SMOC1: variants seen among roughly 807,000 people sequenced by gnomAD.
SMOC1 encodes the protein SPARC related modular calcium binding 1, also known as SPARC-related modular calcium-binding protein 1.
SMOC1 carries 22 observed loss-of-function variants against 56.3 expected under a neutral mutation model. That is an observed-to-expected ratio of 0.39 (90% CI 0.28 to 0.56). The LOEUF (loss-of-function observed/expected upper bound fraction) is 0.56. Among genes scored for constraint, SMOC1 ranks in the 20% least tolerant of loss-of-function variants. SMOC1 has a pLI of 0.61. For synonymous variants in SMOC1, 193 were observed against 215.0 expected, an observed-to-expected ratio of 0.90 and a Z score of 0.89; for missense variants, 509 against 565.4, an observed-to-expected ratio of 0.90 and a Z score of 1.01.
chr14:69,908,787 C>T (rs1884479036), intron 1 of SMOC1, among the ~76,000 whole-genome samples: 1 of 152,114 alleles, frequency 6.6e-6, no homozygotes, highest in African/African-American at 2.4e-5. Flanking sequence ...ACAATTAGGA[C>T]TTGGGGCAGG....
intron 5 of SMOC1, 32 bp downstream of exon 5, chr14:69,977,997 T>G (rs1390864790): frequency 1.3e-6 from 2 of 1,597,628 alleles, no homozygotes; most frequent in East Asian, 4.5e-5. Context: ...ATCTAAATGT[T>G]TGCTTCCAAA....
rs1262576547 is a variant in SMOC1, at chr14:69,992,465, A to T, written c.575A>T (p.Asp192Val). Residue 192 changes from aspartate to valine, a missense_variant, in exon 6 of 12, where the codon GAT (aspartate) becomes GTT (valine). Around this residue, in one of 3 missense-constraint regions of SMOC1, gnomAD observed 315 missense variants for 333.1 expected, o/e 0.95. Coordinates refer to ENST00000361956, the MANE Select transcript of SMOC1 (RefSeq NM_001034852.3). ...TPTMETQPVF[D>V]GDEITAPTLW... ...ACGATGGAGACCCAGCCGGTGTTCG[A>T]TGGAGATGGTAAGATCTTGCATTAC... The T allele has an allele frequency of 6.2e-7, 1 of 1,613,358 alleles. No homozygotes were observed. The highest frequency in any genetic ancestry group is 8.5e-7 in the Non-Finnish European group (1 of 1,179,282).
At position 70,031,388 on chromosome 14, in the gene SMOC1, T is replaced by C. The variant is rs1277713286; in HGVS notation, c.*1130T>C. 1 of 118,140 alleles carries C rather than the reference T, an allele frequency of 8.5e-6. No homozygotes were observed. The highest frequency in any genetic ancestry group is 3.4e-5 in the African/African-American group (1 of 29,468). The allele number at this position is 118,140 out of a possible 1,614,324, so 7.3% of individuals were successfully genotyped here. A position where few individuals can be genotyped will look rare whatever the true frequency, so the allele number is the denominator to read the frequency against. On this transcript the variant is annotated 3_prime_UTR_variant, in exon 12 of 12. Coordinates refer to ENST00000361956, the MANE Select transcript of SMOC1 (RefSeq NM_001034852.3). ...TCCACTCCTCCATCTCCTGCTGTTGTCCTAGTGGCTATCACAGGCCTGGGT... is the reference window on the plus strand; with the variant it reads ...TCCACTCCTCCATCTCCTGCTGTTGCCCTAGTGGCTATCACAGGCCTGGGT...
At chr14:69,999,826 G>C (rs895051726) in intron 7 of SMOC1, among the ~76,000 whole-genome samples, 11 of 152,106 alleles carry the variant, frequency 7.2e-5, no homozygotes, top group African/African-American at 2.7e-4. Flanking sequence ...AGCTTTCCTG[G>C]TCGCCTTGCT....
At chr14:70,007,522 A>T (rs1035923484) in intron 7 of SMOC1, among the ~76,000 whole-genome samples, 1 of 152,220 alleles carries the variant, frequency 6.6e-6, no homozygotes. Flanking sequence ...TTTGATTTTG[A>T]ATGCAGCAGA....
chr14:69,989,844 C>G (rs1884498707), intron 5 of SMOC1, among the ~76,000 whole-genome samples: 1 of 152,192 alleles, frequency 6.6e-6, no homozygotes, highest in South Asian at 2.1e-4. Context: ...AAGAGGTGCT[C>G]TTATTTGCTG....
intron 7 of SMOC1, among the ~76,000 whole-genome samples, chr14:69,997,238 G>A (rs1351340739): frequency 6.6e-6 from 1 of 152,174 alleles, no homozygotes; most frequent in African/African-American, 2.4e-5. Context: ...CAGGAGCTCT[G>A]AGGCAGCTCA....
At chr14:69,982,190 C>G (rs172900) in intron 5 of SMOC1, among the ~76,000 whole-genome samples, 2 of 151,912 alleles carry the variant, frequency 1.3e-5, no homozygotes, top group Non-Finnish European at 2.9e-5. Flanking sequence ...TTAAGGAAAG[C>G]AAGAGAAAAA....
chr14:69,959,122 G>A (rs1290077443), intron 3 of SMOC1, among the ~76,000 whole-genome samples: 1 of 152,138 alleles, frequency 6.6e-6, no homozygotes, highest in Non-Finnish European at 1.5e-5. Context: ...TTTAGGACAA[G>A]AATGGTGTAA....
At chr14:69,986,221 G>A (rs1401316664) in intron 5 of SMOC1, among the ~76,000 whole-genome samples, 5 of 152,192 alleles carry the variant, frequency 3.3e-5, no homozygotes, top group Admixed American at 6.5e-5. Context: ...TAGAGATGGA[G>A]AACAGATTAG....
intron 4 of SMOC1, 58 bp from the exon 5 acceptor site, chr14:69,977,860 A>G (rs1884024586): frequency 1.3e-6 from 2 of 1,497,442 alleles, no homozygotes; most frequent in Non-Finnish European, 1.9e-6. Context: ...ACTCTTAGAA[A>G]GAAACCAACC....
intron 1 of SMOC1, among the ~76,000 whole-genome samples, chr14:69,908,626 C>T (rs1293549662): frequency 6.6e-6 from 1 of 152,188 alleles, no homozygotes; most frequent in Non-Finnish European, 1.5e-5. Context: ...GCCTCAGCAT[C>T]CTCTTTGCTT....
chr14:69,931,134 G>A lies in SMOC1; in HGVS notation c.100-21004G>A, dbSNP rs137996346. Among the ~76,000 whole-genome samples, 408 of 152,288 alleles carry A rather than the reference G, an allele frequency of 2.7e-3. 2 individuals carry two copies. Among genetic ancestry groups the A allele is most frequent in the African/African-American group, 9.2e-3 (381 of 41,568 alleles). On this transcript the variant is annotated intron_variant, in intron 1 of 11. Transcript: ENST00000361956. The stretch of plus-strand genomic sequence containing the variant: ...TTTCTGGGCCACAGAACTGAGGCTC[G>A]GCTGTCTTGAGGGAGCCATCCCACC...
chr14:69,982,056 C>T (rs1884199782), intron 5 of SMOC1, among the ~76,000 whole-genome samples: 1 of 152,168 alleles, frequency 6.6e-6, no homozygotes. Flanking sequence ...CTTTTGACTT[C>T]TGAGTGCCCA....
At chr14:70,001,522 T>A (rs1048711400) in intron 7 of SMOC1, among the ~76,000 whole-genome samples, 2 of 152,084 alleles carry the variant, frequency 1.3e-5, no homozygotes, top group African/African-American at 4.8e-5. Context: ...ATGTGCATAT[T>A]TTTTTTAGTT....
At chr14:69,911,437 T>G (rs1323857773) in intron 1 of SMOC1, among the ~76,000 whole-genome samples, 1 of 152,264 alleles carries the variant, frequency 6.6e-6, no homozygotes, top group Non-Finnish European at 1.5e-5. Context: ...CATACAGTTG[T>G]GTAACCACCA....
At chr14:70,024,472 G>A (rs76169032) in intron 11 of SMOC1, among the ~76,000 whole-genome samples, 15,902 of 152,070 alleles carry the variant, frequency 0.1, 1,133 homozygotes, top group Non-Finnish European at 0.15. Context: ...AAGAGGGACC[G>A]TATATGGCCC....
chr14:69,919,195 C>T (rs1423945528), intron 1 of SMOC1, among the ~76,000 whole-genome samples: 34 of 152,136 alleles, frequency 2.2e-4, no homozygotes. Context: ...ATAGCCAGGT[C>T]AAGCCCATAA....
At chr14:70,026,311 C>A (rs1027796632) in intron 11 of SMOC1, among the ~76,000 whole-genome samples, 4 of 152,186 alleles carry the variant, frequency 2.6e-5, no homozygotes, top group South Asian at 2.1e-4. Context: ...GCCTTCGGCC[C>A]CCTTCCCGTG....
Sources: allele counts gnomAD v4.1 joint callset (sites outside exome capture counted in the v4.1 genomes callset), GRCh38; gene constraint gnomAD v4.1.1; regional missense constraint gnomAD v4.1.1; transcripts MANE v1.5; gene names NCBI Gene and HGNC (gene_info 2026-07-23, HGNC 2026-07-21).